EHMT1: variants seen among roughly 807,000 people sequenced by gnomAD.
The protein encoded by EHMT1 is euchromatic histone lysine methyltransferase 1.
A neutral mutation model predicts 147.2 loss-of-function variants in EHMT1; 15 were observed. That is an observed-to-expected ratio of 0.10 (90% CI 0.07 to 0.16). The LOEUF (loss-of-function observed/expected upper bound fraction) is 0.16. Among genes scored for constraint, EHMT1 ranks in the 10% least tolerant of loss-of-function variants. The pLI, the probability that EHMT1 is intolerant of heterozygous loss-of-function variation, is 1.00. For synonymous variants in EHMT1, 795 were observed against 709.6 expected, an observed-to-expected ratio of 1.12 and a Z score of -1.91; for missense variants, 1,587 against 1,772.4, an observed-to-expected ratio of 0.90 and a Z score of 1.88.
intron 1 of EHMT1, chr9:137,638,526 T>C (rs773866033): frequency 7.9e-5 from 12 of 152,248 alleles, no homozygotes; most frequent in Non-Finnish European, 1.5e-4. Context: ...ATTGCAGGCA[T>C]GAGCCACTGC....
intron 1 of EHMT1, among the ~76,000 whole-genome samples, chr9:137,646,174 G>C (rs568600004): frequency 1.2e-4 from 19 of 152,290 alleles, no homozygotes; most frequent in African/African-American, 4.3e-4. Context: ...TGGCCAGGCT[G>C]GTCTTGATCT....
At chr9:137,740,456 T>C (rs1165789877) in intron 4 of EHMT1, among the ~76,000 whole-genome samples, 1 of 152,154 alleles carries the variant, frequency 6.6e-6, no homozygotes, top group Non-Finnish European at 1.5e-5. Context: ...CGAAGCTTAC[T>C]GCCAGCCGTC....
intron 1 of EHMT1, among the ~76,000 whole-genome samples, chr9:137,705,311 C>G (rs547796707): frequency 1.2e-4 from 19 of 152,250 alleles, no homozygotes; most frequent in Non-Finnish European, 2.8e-4. Flanking sequence ...CTTTAACTTG[C>G]GTTTGAAAGT....
chr9:137,646,386 T>C, intron 1 of EHMT1: 1 of 985,554 alleles, frequency 1.0e-6, no homozygotes, highest in African/African-American at 1.7e-5. Context: ...GCAAGAATCC[T>C]GTGACCACGG....
chr9:137,628,496 C>T (rs1020667825), intron 1 of EHMT1, among the ~76,000 whole-genome samples: 10 of 151,968 alleles, frequency 6.6e-5, no homozygotes, highest in African/African-American at 1.5e-4. Flanking sequence ...TTGCCCAGGC[C>T]GATCTCCAAC....
Position 137,708,566 on chromosome 9 carries a change from G to GAT in EHMT1, c.22-2399_22-2398dup, listed in dbSNP as rs1351398586. Among the ~76,000 whole-genome samples, 6 of 152,312 alleles carry GAT rather than the reference G, an allele frequency of 3.9e-5. No homozygotes were observed. In the South Asian group the frequency reaches 1.2e-3, roughly 32 times the overall value. ...GGTATCAAAAATCATAGTCACTAAT[G>GAT]ATACCGCTCATGTAATAAGAAAAGT... On this transcript the variant is annotated intron_variant, in intron 1 of 26. Coordinates refer to ENST00000460843, the MANE Select transcript of EHMT1 (RefSeq NM_024757.5).
At chr9:137,729,962 A>G (rs985433742) in intron 4 of EHMT1, among the ~76,000 whole-genome samples, 1 of 152,316 alleles carries the variant, frequency 6.6e-6, no homozygotes, top group Admixed American at 6.5e-5. Context: ...ATCTGGTTCT[A>G]GAGCTTCGAG....
rs1947070857 is a variant in EHMT1, at chr9:137,731,104, A to G, written c.823+2575A>G. 6.6e-6 allele frequency among the ~76,000 whole-genome samples: 1 copy of G among 152,088 alleles called. No homozygotes were observed. Among genetic ancestry groups the G allele is most frequent in the Admixed American group, 6.6e-5 (1 of 15,264 alleles). On this transcript the variant is annotated intron_variant, in intron 4 of 26. Coordinates refer to ENST00000460843, the MANE Select transcript of EHMT1 (RefSeq NM_024757.5). The surrounding 1 kb of genome is among the most constrained non-coding windows in gnomAD (Gnocchi z 4.3). ...AAAAAGAGCTTTCTAAAAACAAACT[A>G]CCCAGCGTGTTTAGCAGGCTCCAGT...
chr9:137,757,972 G>C lies in EHMT1; in HGVS notation c.1462G>C (p.Asp488His). ...GYMEVSLDSL[D>H]LRVKGILSSQ... Reference sequence around the variant, plus strand: ...CATGGAAGTTTCTCTGGACTCCCTGGATCTCCGAGTCAAAGGAATTCTGTC... The same window carrying C: ...CATGGAAGTTTCTCTGGACTCCCTGCATCTCCGAGTCAAAGGAATTCTGTC... The change falls in exon 9 of 27, where the codon GAT becomes CAT. Residue 488 changes from aspartate (D) to histidine (H), a missense_variant. Coordinates refer to ENST00000460843, the MANE Select transcript of EHMT1 (RefSeq NM_024757.5). The C allele has an allele frequency of 6.2e-7, 1 of 1,614,134 alleles. No homozygotes were observed. Among genetic ancestry groups the C allele is most frequent in the Non-Finnish European group, 8.5e-7 (1 of 1,180,030 alleles).
At chr9:137,620,034 C>G (rs1409487681) in intron 1 of EHMT1, 1 of 152,188 alleles carries the variant, frequency 6.6e-6, no homozygotes, top group East Asian at 1.9e-4. Flanking sequence ...GTACAGTATC[C>G]TGGTGCATAG....
At chr9:137,823,423 T>G in intron 25 of EHMT1, 1 of 390,284 alleles carries the variant, frequency 2.6e-6, no homozygotes, top group Non-Finnish European at 5.0e-6. Flanking sequence ...TAATTTTTTT[T>G]TTTTTTGAAA....
intron 25 of EHMT1, among the ~76,000 whole-genome samples, chr9:137,826,276 ATCT>A (rs996420225): frequency 2.6e-5 from 4 of 152,126 alleles, no homozygotes; most frequent in Admixed American, 6.6e-5. Flanking sequence ...TTTGCTGCTT[ATCT>A]TCTTCTTTCC....
chr9:137,772,533 A>C (rs1269114521), intron 10 of EHMT1, among the ~76,000 whole-genome samples: 4 of 152,196 alleles, frequency 2.6e-5, no homozygotes, highest in Admixed American at 2.6e-4. Flanking sequence ...TATTTACACC[A>C]GCTCAGCCCC....
At chr9:137,626,261 T>C (rs1392980410) in intron 1 of EHMT1, among the ~76,000 whole-genome samples, 2 of 152,028 alleles carry the variant, frequency 1.3e-5, no homozygotes, top group Non-Finnish European at 2.9e-5. Context: ...TTATTTATTT[T>C]AATTACAATT....
chr9:137,684,477 A>G (rs1258154326), intron 1 of EHMT1, among the ~76,000 whole-genome samples: 2 of 151,454 alleles, frequency 1.3e-5, no homozygotes, highest in Non-Finnish European at 2.9e-5. Context: ...CAAAGCCATT[A>G]TTTTTTGTTG....
intron 1 of EHMT1, among the ~76,000 whole-genome samples, chr9:137,704,345 T>C (rs1274616680): frequency 6.6e-6 from 1 of 152,212 alleles, no homozygotes; most frequent in Non-Finnish European, 1.5e-5. Context: ...AGGGAAGGAC[T>C]GGGCCACTTT....
intron 8 of EHMT1, among the ~76,000 whole-genome samples, chr9:137,755,373 G>A (rs1949305748): frequency 6.6e-6 from 1 of 152,160 alleles, no homozygotes; most frequent in East Asian, 1.9e-4. Flanking sequence ...GAGTATAATT[G>A]TTTTGAGTTG....
At position 137,834,363 on chromosome 9, in the gene EHMT1, C is replaced by T. The variant is rs398124407; in HGVS notation, c.3555C>T (p.Tyr1185=). The change falls in exon 26 of 27, where the codon TAC becomes TAT. Residue 1185 remains tyrosine, a synonymous_variant. Coordinates refer to ENST00000460843, the MANE Select transcript of EHMT1 (RefSeq NM_024757.5). ...FDLDNKDGEV[Y]CIDARFYGNV... ...TCGCCCTGCAGGACGGGGAGGTTTA[C>T]TGCATCGACGCGCGGTTCTACGGGA... 1.5e-4 allele frequency: 248 copies of T among 1,613,136 alleles called. No homozygotes were observed. The South Asian group carries it at 2.5e-3, about 16-fold the overall frequency.
intron 1 of EHMT1, among the ~76,000 whole-genome samples, chr9:137,680,523 A>G (rs902194054): frequency 6.6e-6 from 1 of 152,236 alleles, no homozygotes; most frequent in Admixed American, 6.5e-5. Context: ...TAAATTATGT[A>G]TAGATTTACC....
Sources: gnomAD v4.1 joint callset for allele counts (sites outside exome capture counted in the v4.1 genomes callset) on GRCh38, gnomAD v4.1.1 for gene constraint, Gnocchi (gnomAD v3.1) non-coding constraint, MANE v1.5 for transcripts, NCBI Gene and HGNC (gene_info 2026-07-23, HGNC 2026-07-21) for gene names.